The following ZNF469 variants were observed in gnomAD, a reference collection of about 807,000 sequenced individuals.
ZNF469 encodes the protein zinc finger protein 469.
ZNF469 carries 1 observed loss-of-function variant against 1.0 expected under a neutral mutation model. The ratio of observed to expected loss-of-function variants is 1.00; its 90% confidence interval spans 0.35 to 4.73. ZNF469 has a LOEUF of 4.73. Among genes scored for constraint, ZNF469 ranks in the 30% most tolerant of loss-of-function variants. The pLI is 0.16. For synonymous variants in ZNF469, 2,703 were observed against 2,363.4 expected (o/e 1.14, Z -4.17); for missense variants, 6,100 against 5,356.3 (o/e 1.14, Z -4.33).
the ZNF469 span, among the ~76,000 whole-genome samples, chr16:88,157,703 C>T: frequency 6.6e-6 from 1 of 152,326 alleles, no homozygotes; most frequent in East Asian, 1.9e-4. Flanking sequence ...CCCAGCTCCC[C>T]GCTCCTGGTG....
At chr16:88,380,415 TCA>T (rs541082178), upstream of ZNF469, among the ~76,000 whole-genome samples, 4 of 111,090 alleles carry the variant, frequency 3.6e-5, no homozygotes, top group Admixed American at 1.9e-4. Flanking sequence ...AGACATGCAC[TCA>T]CACAGATGCA....
At chr16:88,149,284 G>A in the ZNF469 span, among the ~76,000 whole-genome samples, 15 of 152,178 alleles carry the variant, frequency 9.9e-5, no homozygotes, top group African/African-American at 3.6e-4. Flanking sequence ...TGGGCTCTCC[G>A]GCCTTCACTC....
At chr16:88,122,363 C>T in the ZNF469 span, among the ~76,000 whole-genome samples, 2 of 151,136 alleles carry the variant, frequency 1.3e-5, no homozygotes, top group East Asian at 3.9e-4. Flanking sequence ...CTCCATCACC[C>T]ACTATGGCCA....
chr16:88,132,438 C>G, the ZNF469 span, among the ~76,000 whole-genome samples: 1 of 152,244 alleles, frequency 6.6e-6, no homozygotes, highest in Non-Finnish European at 1.5e-5. Flanking sequence ...GGGGCTGGAT[C>G]TGTGACTGGC....
chr16:88,185,455 C>T, the ZNF469 span, among the ~76,000 whole-genome samples: 2 of 149,250 alleles, frequency 1.3e-5, no homozygotes, highest in South Asian at 2.1e-4. Context: ...CACTTGTGTG[C>T]CCAGACCCAC....
chr16:88,281,928 C>T, the ZNF469 span, among the ~76,000 whole-genome samples: 18 of 152,262 alleles, frequency 1.2e-4, no homozygotes, highest in Admixed American at 2.6e-4. Flanking sequence ...TATTGGTGCA[C>T]GGGTCAGTGC....
chr16:88,109,325 C>T, the ZNF469 span, among the ~76,000 whole-genome samples: 1 of 152,232 alleles, frequency 6.6e-6, no homozygotes, highest in African/African-American at 2.4e-5. Context: ...CTGTCCAGGC[C>T]CACTTTCCAC....
the ZNF469 span, among the ~76,000 whole-genome samples, chr16:88,289,890 C>T: frequency 3.5e-3 from 538 of 152,286 alleles, 4 homozygotes; most frequent in Non-Finnish European, 5.5e-3. Context: ...TGCAACATTG[C>T]CTAACCAGAA....
At chr16:88,174,433 A>G in the ZNF469 span, among the ~76,000 whole-genome samples, 2 of 151,430 alleles carry the variant, frequency 1.3e-5, no homozygotes, top group Non-Finnish European at 2.9e-5. Context: ...GATCAGTCAG[A>G]GTGTAACCAG....
At chr16:88,320,157 A>C in the ZNF469 span, among the ~76,000 whole-genome samples, 1 of 152,232 alleles carries the variant, frequency 6.6e-6, no homozygotes, top group African/African-American at 2.4e-5. Context: ...GCAGAAGTTA[A>C]ACAGGCTGAG....
At position 88,435,367 on chromosome 16, in the gene ZNF469, A is replaced by G. The variant is rs756676447; in HGVS notation, c.7897A>G (p.Lys2633Glu). Reference protein sequence around the residue: ...SPSHSEGKSNKKRGKLRGRRL... With the variant: ...SPSHSEGKSNEKRGKLRGRRL... ...TAGCCACTCAGAGGGGAAGTCAAAT[A>G]AGAAAAGGGGAAAGCTGAGAGGGAG... Residue 2633 changes from lysine to glutamate, a missense_variant, in exon 3 of 3, where the codon AAG becomes GAG. By Grantham distance (56) the Lys-to-Glu change is moderately conservative (BLOSUM62 1). Transcript: ENST00000565624. 31 of 1,550,240 alleles carry G rather than the reference A, an allele frequency of 2.0e-5. No homozygotes were observed. In the African/African-American group the frequency reaches 3.7e-4, roughly 18 times the overall value.
At chr16:88,252,576 G>A in the ZNF469 span, among the ~76,000 whole-genome samples, 2 of 151,952 alleles carry the variant, frequency 1.3e-5, no homozygotes. Context: ...TGTTATCTGC[G>A]GGAAGGTTCA....
At chr16:88,277,377 C>T in the ZNF469 span, among the ~76,000 whole-genome samples, 1 of 149,010 alleles carries the variant, frequency 6.7e-6, no homozygotes. Context: ...ATCATTAGTG[C>T]TGTGCCACGC....
At chr16:88,383,707 C>T in intron 1 of ZNF469, among the ~76,000 whole-genome samples, 1 of 151,510 alleles carries the variant, frequency 6.6e-6, no homozygotes, top group African/African-American at 2.4e-5. Flanking sequence ...GCCGCCTCCT[C>T]CGGGCCGCCC....
the ZNF469 span, among the ~76,000 whole-genome samples, chr16:88,229,225 A>C: frequency 1.3e-5 from 2 of 152,230 alleles, no homozygotes; most frequent in Non-Finnish European, 1.5e-5. Context: ...GAGAAAAAAA[A>C]CAACCGGAGA....
chr16:88,356,345 G>A, the ZNF469 span, among the ~76,000 whole-genome samples: 9 of 152,160 alleles, frequency 5.9e-5, no homozygotes, highest in Admixed American at 1.3e-4. Context: ...AAGCCCTAGC[G>A]GGCTTCTTGG....
the ZNF469 span, among the ~76,000 whole-genome samples, chr16:88,293,409 GTGGATGGA>G: frequency 6.6e-6 from 1 of 152,034 alleles, no homozygotes; most frequent in Admixed American, 6.5e-5. Context: ...AATTGACTGG[GTGGATGGA>G]TGGATGGATG....
Position 88,438,623 on chromosome 16 carries a change from G to T in ZNF469, c.11153G>T (p.Gly3718Val). Reference protein sequence around the residue: ...PGELARGTENGMKPATPKAKP... With the variant: ...PGELARGTENVMKPATPKAKP... ...GAGCTGGCCCGTGGCACAGAGAATG[G>T]GATGAAGCCCGCCACCCCCAAAGCC... Residue 3718 changes from glycine (G) to valine (V), a missense_variant, in exon 3 of 3, where the codon GGG (glycine) becomes GTG (valine). Coordinates refer to ENST00000565624, the MANE Select transcript of ZNF469 (RefSeq NM_001367624.2). 1 of 1,550,078 alleles carries T rather than the reference G, an allele frequency of 6.5e-7. No individual in the cohort carries two copies.
rs1474498155 is a variant in ZNF469 at position 88,438,648 on chromosome 16, C to G, written c.11178C>G (p.Ala3726=). 1.3e-6 allele frequency: 2 copies of G among 1,549,984 alleles called. No homozygotes were observed. Among genetic ancestry groups the G allele is most frequent in the African/African-American group, 1.4e-5 (1 of 73,028 alleles). ...GGATGAAGCCCGCCACCCCCAAAGC[C>G]AAACCCGGCCCCAGCTCCCAGGGCA... ...ENGMKPATPK[A]KPGPSSQGSG... The change falls in exon 3 of 3, where the codon GCC becomes GCG. Residue 3726 remains alanine, a synonymous_variant. Transcript: ENST00000565624.
Sources: gnomAD v4.1 joint callset for allele counts (sites outside exome capture counted in the v4.1 genomes callset) on GRCh38, gnomAD v4.1.1 for gene constraint, MANE v1.5 for transcripts, NCBI Gene and HGNC (gene_info 2026-07-23, HGNC 2026-07-21) for gene names.